SGCD: variants seen among roughly 807,000 people sequenced by gnomAD.
SGCD encodes sarcoglycan delta.
Under a neutral mutation model 36.6 loss-of-function variants are expected in SGCD, and 18 were observed. That is an observed-to-expected ratio of 0.49 (90% CI 0.34 to 0.73). The LOEUF is 0.73. SGCD is among the 30% of genes least tolerant of loss of function. The pLI is 0.01. For synonymous variants in SGCD, 133 were observed against 130.6 expected (o/e 1.02, Z -0.12); for missense variants, 387 against 346.7 (o/e 1.12, Z -0.92).
At chr5:156,681,378 C>T (rs1189636516) in intron 7 of SGCD, among the ~76,000 whole-genome samples, 5 of 152,310 alleles carry the variant, frequency 3.3e-5, no homozygotes, top group Admixed American at 6.5e-5. Flanking sequence ...TCAGTTGCTT[C>T]TCTGCTCACT....
intron 3 of SGCD, among the ~76,000 whole-genome samples, chr5:156,296,938 A>T (rs1203034977): frequency 6.6e-6 from 1 of 152,036 alleles, no homozygotes; most frequent in East Asian, 1.9e-4. Flanking sequence ...ATATGCACAT[A>T]TATACACACA....
At chr5:155,817,390 T>C in the SGCD span, among the ~76,000 whole-genome samples, 1 of 151,636 alleles carries the variant, frequency 6.6e-6, no homozygotes, top group African/African-American at 2.4e-5. Flanking sequence ...TAGCAAGGTA[T>C]CTAGGAGCCG....
At chr5:156,709,403 TAATGAGAGTAACTAC>T (rs1754885580) in intron 7 of SGCD, among the ~76,000 whole-genome samples, 1 of 152,194 alleles carries the variant, frequency 6.6e-6, no homozygotes, top group Admixed American at 6.5e-5. Context: ...AACACTGTTG[TAATGAGAGTAACTAC>T]ATGCAAGTGA....
chr5:156,214,687 A>G (rs1042757414), intron 3 of SGCD, among the ~76,000 whole-genome samples: 6 of 152,110 alleles, frequency 3.9e-5, no homozygotes, highest in African/African-American at 1.4e-4. Flanking sequence ...ACATTACATG[A>G]TTTCAAATTA....
chr5:156,148,383 A>G (rs991505528), intron 3 of SGCD, among the ~76,000 whole-genome samples: 1 of 152,104 alleles, frequency 6.6e-6, no homozygotes, highest in Non-Finnish European at 1.5e-5. Context: ...TTTCTCTCCA[A>G]GAGAAAAAGT....
intron 3 of SGCD, among the ~76,000 whole-genome samples, chr5:156,482,087 T>C (rs1755455515): frequency 6.6e-6 from 1 of 152,112 alleles, no homozygotes; most frequent in Non-Finnish European, 1.5e-5. Context: ...TAATGAGATG[T>C]TGAGGAAAGC....
the SGCD span, among the ~76,000 whole-genome samples, chr5:155,854,931 A>T: frequency 6.6e-6 from 1 of 152,166 alleles, no homozygotes; most frequent in African/African-American, 2.4e-5. Context: ...AGAAGCTTTA[A>T]AAAAGTCCAA....
rs375375257 is a variant in SGCD, at chr5:156,610,287, T to C, written c.502+15236T>C. ...GTCAGGACCCTCAGCTGCAGGTCTG[T>C]TGGAGTTTGCTGGAGGTCCACTCCA... On this transcript the variant is annotated intron_variant, in intron 6 of 8. Coordinates refer to ENST00000337851, the MANE Select transcript of SGCD (RefSeq NM_000337.6). Among the ~76,000 whole-genome samples the C allele has an allele frequency of 6.8e-4, 103 of 152,316 alleles. 1 individual carries two copies. The East Asian group carries it at 0.018, about 27-fold the overall frequency.
intron 7 of SGCD, among the ~76,000 whole-genome samples, chr5:156,724,144 A>G (rs545712511): frequency 4.1e-4 from 62 of 152,236 alleles, no homozygotes; most frequent in African/African-American, 1.4e-3. Context: ...GACTGTAGAA[A>G]TCTCTGGCCA....
chr5:155,730,164 G>A, the SGCD span, among the ~76,000 whole-genome samples: 1 of 152,238 alleles, frequency 6.6e-6, no homozygotes, highest in Middle Eastern at 3.4e-3. Flanking sequence ...AGACAAATTA[G>A]GAGAGGGCGC....
chr5:156,577,525 A>G (rs1027043685), intron 4 of SGCD, among the ~76,000 whole-genome samples: 4 of 152,186 alleles, frequency 2.6e-5, no homozygotes, highest in Non-Finnish European at 5.9e-5. Context: ...CATTTTCACA[A>G]TATTTATCCT....
intron 3 of SGCD, among the ~76,000 whole-genome samples, chr5:156,397,495 G>A (rs1292313975): frequency 6.6e-6 from 1 of 152,146 alleles, no homozygotes; most frequent in African/African-American, 2.4e-5. Flanking sequence ...TTCAGAGAAG[G>A]AAAGTGATTT....
intron 3 of SGCD, among the ~76,000 whole-genome samples, chr5:156,256,959 A>T (rs1019933853): frequency 1.3e-5 from 2 of 152,274 alleles, no homozygotes; most frequent in African/African-American, 4.8e-5. Flanking sequence ...CAGGGTGATC[A>T]CTTGAGCTCA....
chr5:156,753,008 C>A (rs963133643), intron 7 of SGCD, among the ~76,000 whole-genome samples: 9 of 152,110 alleles, frequency 5.9e-5, no homozygotes, highest in Admixed American at 5.2e-4. Flanking sequence ...GAGTTTATGA[C>A]CCTTGGACTA....
At chr5:156,479,608 G>A (rs2127836916) in intron 3 of SGCD, among the ~76,000 whole-genome samples, 1 of 152,172 alleles carries the variant, frequency 6.6e-6, no homozygotes, top group Admixed American at 6.5e-5. Flanking sequence ...CTACCCCTGT[G>A]GCATCTTACC....
chr5:156,061,500 G>T (rs1299737210), intron 1 of SGCD, among the ~76,000 whole-genome samples: 1 of 145,642 alleles, frequency 6.9e-6, no homozygotes, highest in Admixed American at 6.9e-5. Context: ...ACTTAGCTTG[G>T]GTTTCTTCCT....
chr5:156,207,838 G>A (rs1459169341), intron 3 of SGCD, among the ~76,000 whole-genome samples: 1 of 152,016 alleles, frequency 6.6e-6, no homozygotes, highest in African/African-American at 2.4e-5. Flanking sequence ...TATATATAAT[G>A]TAATTGATCA....
chr5:155,908,352 T>A (rs997217097), intron 1 of SGCD, among the ~76,000 whole-genome samples: 2 of 152,150 alleles, frequency 1.3e-5, no homozygotes, highest in African/African-American at 4.8e-5. Context: ...TTGACTCACT[T>A]TTATGTTTCC....
intron 4 of SGCD, among the ~76,000 whole-genome samples, chr5:156,512,246 A>G (rs115909764): frequency 0.017 from 2,512 of 151,320 alleles, 62 homozygotes; most frequent in African/African-American, 0.058. Context: ...AACATTTTCC[A>G]TGCATATGTA....
Sources: gnomAD v4.1 joint callset for allele counts (sites outside exome capture counted in the v4.1 genomes callset) on GRCh38, gnomAD v4.1.1 for gene constraint, MANE v1.5 for transcripts, NCBI Gene and HGNC (gene_info 2026-07-23, HGNC 2026-07-21) for gene names.